The following ABCB5 variants were observed in gnomAD, a reference collection of about 807,000 sequenced individuals.
ABCB5 encodes the protein ATP binding cassette subfamily B member 5.
In ABCB5, 155 loss-of-function variants were observed where a neutral mutation model predicts 144.2. The observed-to-expected ratio is 1.08, with a 90% CI of 0.94 to 1.23. The LOEUF is 1.23. ABCB5 is among the 50% of genes most tolerant of loss of function. The probability of loss-of-function intolerance (pLI) is 0.00; values close to 1 mark genes in which losing one functional copy is unlikely to be tolerated. For synonymous variants in ABCB5, 610 were observed against 528.6 expected, an observed-to-expected ratio of 1.15 and a Z score of -2.11; for missense variants, 1,830 against 1,520.8, an observed-to-expected ratio of 1.20 and a Z score of -3.38.
chr7:20,681,527 T>A lies in ABCB5; in HGVS notation c.1730T>A (p.Ile577Asn), dbSNP rs1306508297. The A allele has an allele frequency of 6.2e-7, 1 of 1,614,226 alleles. No individual in the cohort carries two copies. ...LEKASKGRTT[I>N]VVAHRLSTIR... ...TAGGCGAGCAAAGGTCGGACTACAATCGTGGTAGCACACCGACTTTCTACT... is the reference window on the plus strand; with the variant it reads ...TAGGCGAGCAAAGGTCGGACTACAAACGTGGTAGCACACCGACTTTCTACT... The change falls in exon 15 of 28, where the codon ATC becomes AAC. Residue 577 changes from isoleucine (I) to asparagine (N), a missense_variant. By Grantham distance (149) the Ile-to-Asn change is moderately radical. Coordinates refer to ENST00000404938, the MANE Select transcript of ABCB5 (RefSeq NM_001163941.2).
intron 14 of ABCB5, among the ~76,000 whole-genome samples, chr7:20,674,093 T>A (rs1246185835): frequency 6.6e-6 from 1 of 151,976 alleles, no homozygotes; most frequent in Non-Finnish European, 1.5e-5. Context: ...TTAGACATCT[T>A]ACTTCTACAT....
chr7:20,651,315 T>C, intron 12 of ABCB5, 105 bp from the exon 13 acceptor site: 1 of 1,020,910 alleles, frequency 9.8e-7, no homozygotes, highest in African/African-American at 1.6e-5. Flanking sequence ...GTCTTTGATT[T>C]CTAAAATATG....
chr7:20,682,665 A>G (rs1183432174), intron 15 of ABCB5, among the ~76,000 whole-genome samples: 1 of 152,220 alleles, frequency 6.6e-6, no homozygotes, highest in African/African-American at 2.4e-5. Flanking sequence ...TAACGTATGT[A>G]GGAAGCACCT....
rs192860699 is a variant in ABCB5 at position 20,634,989 on chromosome 7, C to T, written c.314+2876C>T. Among the ~76,000 whole-genome samples the T allele has an allele frequency of 7.3e-4, 111 of 152,132 alleles. 1 individual carries two copies. In the East Asian group the frequency reaches 0.016, roughly 22 times the overall value. On this transcript the variant is annotated intron_variant, in intron 5 of 27. Transcript: ENST00000404938. ...TGAATACTTTGTCAAGGCCAATGTC[C>T]GGAAGAGTTTGTCCTAAGTTTTCTT...
chr7:20,746,932 A>G (rs1319189389), intron 26 of ABCB5, among the ~76,000 whole-genome samples: 1 of 152,168 alleles, frequency 6.6e-6, no homozygotes, highest in African/African-American at 2.4e-5. Flanking sequence ...ACAACTAATA[A>G]TCTAGAGCCC....
At chr7:20,699,466 G>A (rs528831205) in intron 17 of ABCB5, among the ~76,000 whole-genome samples, 1 of 151,938 alleles carries the variant, frequency 6.6e-6, no homozygotes, top group African/African-American at 2.4e-5. Flanking sequence ...TTTGGGAGGC[G>A]GAGGCAGCCG....
intron 20 of ABCB5, among the ~76,000 whole-genome samples, chr7:20,708,037 C>T (rs1346123487): frequency 6.6e-6 from 1 of 151,960 alleles, no homozygotes; most frequent in East Asian, 1.9e-4. Flanking sequence ...GATCTCCTGA[C>T]CTCGTGATCC....
chr7:20,658,018 A>G (rs1384574763), intron 13 of ABCB5, among the ~76,000 whole-genome samples: 2 of 152,198 alleles, frequency 1.3e-5, no homozygotes, highest in Non-Finnish European at 2.9e-5. Flanking sequence ...CCTAAAAAGT[A>G]TCTCAAGATG....
At chr7:20,720,667 C>T (rs1328836336) in intron 20 of ABCB5, among the ~76,000 whole-genome samples, 3 of 152,076 alleles carry the variant, frequency 2.0e-5, no homozygotes, top group Non-Finnish European at 2.9e-5. Context: ...ATGAAGAGGC[C>T]AGGCGCGGTG....
At chr7:20,739,679 T>G (rs115624625) in intron 24 of ABCB5, among the ~76,000 whole-genome samples, 2 of 152,160 alleles carry the variant, frequency 1.3e-5, no homozygotes, top group African/African-American at 2.4e-5. Flanking sequence ...GAAACTAAAG[T>G]TTTGATCTTG....
intron 20 of ABCB5, among the ~76,000 whole-genome samples, chr7:20,721,042 G>C (rs1170735563): frequency 4.0e-5 from 6 of 149,522 alleles, no homozygotes; most frequent in Non-Finnish European, 8.9e-5. Flanking sequence ...TTCCAATGTA[G>C]ATATCCTTTC....
intron 17 of ABCB5, 36 bp downstream of exon 17, chr7:20,698,586 T>C: frequency 6.5e-7 from 1 of 1,550,306 alleles, no homozygotes; most frequent in Non-Finnish European, 8.7e-7. Flanking sequence ...TTTCAGCAAT[T>C]TAAAGAAAGT....
At chr7:20,650,491 T>C (rs1264768187) in intron 12 of ABCB5, among the ~76,000 whole-genome samples, 4 of 152,076 alleles carry the variant, frequency 2.6e-5, no homozygotes, top group Non-Finnish European at 5.9e-5. Flanking sequence ...CGTATTAACA[T>C]CTGTACCCAG....
At chr7:20,621,469 C>T (rs181051900) in intron 1 of ABCB5, among the ~76,000 whole-genome samples, 4 of 152,202 alleles carry the variant, frequency 2.6e-5, no homozygotes, top group Admixed American at 2.0e-4. Flanking sequence ...TATGCTGCTG[C>T]TCTTGGGACC....
intron 24 of ABCB5, among the ~76,000 whole-genome samples, chr7:20,741,030 G>A (rs1562588513): frequency 6.7e-6 from 1 of 148,280 alleles, no homozygotes; most frequent in Non-Finnish European, 1.5e-5. Context: ...TTGAACCTGG[G>A]AGGCAGAGAT....
intron 20 of ABCB5, among the ~76,000 whole-genome samples, chr7:20,712,568 C>T (rs1034582535): frequency 6.7e-6 from 1 of 149,582 alleles, no homozygotes; most frequent in Non-Finnish European, 1.5e-5. Context: ...TTTTTTTCTG[C>T]ATTTATTTTG....
At chr7:20,630,063 C>A (rs990969030) in intron 4 of ABCB5, among the ~76,000 whole-genome samples, 1 of 141,298 alleles carries the variant, frequency 7.1e-6, no homozygotes, top group Non-Finnish European at 1.5e-5. Flanking sequence ...AGGGTCATGT[C>A]TTTCAAGGTG....
chr7:20,740,894 G>C (rs1481680348), intron 24 of ABCB5, among the ~76,000 whole-genome samples: 1 of 151,964 alleles, frequency 6.6e-6, no homozygotes, highest in Non-Finnish European at 1.5e-5. Flanking sequence ...ATCACCTAAG[G>C]TCAGGAGTTC....
intron 2 of ABCB5, among the ~76,000 whole-genome samples, chr7:20,624,410 G>A (rs936473233): frequency 1.3e-5 from 2 of 152,100 alleles, no homozygotes; most frequent in African/African-American, 4.8e-5. Context: ...GACCTCATTG[G>A]TGAACCAAAA....
Sources: allele counts gnomAD v4.1 joint callset (sites outside exome capture counted in the v4.1 genomes callset), GRCh38; gene constraint gnomAD v4.1.1; transcripts MANE v1.5; gene names NCBI Gene and HGNC (gene_info 2026-07-23, HGNC 2026-07-21).